Variants in PDE8B observed in about 807,000 individuals in gnomAD.
The protein encoded by PDE8B is phosphodiesterase 8B.
A neutral mutation model predicts 101.3 loss-of-function variants in PDE8B; 26 were observed. That is an observed-to-expected ratio of 0.26 (90% confidence interval 0.19 to 0.36). The LOEUF (loss-of-function observed/expected upper bound fraction) is 0.36, where lower values mean the gene tolerates loss of function less well. Among genes scored for constraint, PDE8B ranks in the 10% least tolerant of loss-of-function variants. The pLI is 1.00. For missense variants in PDE8B, 810 were observed against 1,163.1 expected, an observed-to-expected ratio of 0.70 and a Z score of 4.42; for synonymous variants, 424 against 429.3, an observed-to-expected ratio of 0.99 and a Z score of 0.15.
intron 1 of PDE8B, among the ~76,000 whole-genome samples, chr5:77,213,424 C>T (rs1748926022): frequency 6.6e-6 from 1 of 152,126 alleles, no homozygotes; most frequent in African/African-American, 2.4e-5. Context: ...CACAGAACTG[C>T]CCTAATATAT....
At chr5:77,258,451 A>G (rs1246304693) in intron 1 of PDE8B, among the ~76,000 whole-genome samples, 1 of 152,034 alleles carries the variant, frequency 6.6e-6, no homozygotes, top group Non-Finnish European at 1.5e-5. Context: ...CAAAAGCACT[A>G]AACATGTTTG....
Position 77,351,233 on chromosome 5 carries a change from A to G in PDE8B, c.1106+80A>G, listed in dbSNP as rs1781068977. The G allele has an allele frequency of 4.9e-6, 5 of 1,022,550 alleles. No individual in the cohort carries two copies. The Admixed American group carries it at 9.2e-5, about 19-fold the overall frequency. The allele number at this position is 1,022,550 out of a possible 1,614,324, so 63.3% of individuals were successfully genotyped here. On this transcript the variant is annotated intron_variant, in intron 9 of 21. Transcript: ENST00000264917. ...TGGGCATTGGGCTTGAAATGCCAGT[A>G]TGAGCCTTACATCCACAAATGCAGT...
At chr5:77,424,514 T>G (rs1434078570) in intron 20 of PDE8B, among the ~76,000 whole-genome samples, 1 of 152,184 alleles carries the variant, frequency 6.6e-6, no homozygotes, top group East Asian at 1.9e-4. Flanking sequence ...TCCACACACC[T>G]CAAAAGCTGC....
chr5:77,091,469 A>G, the PDE8B span, among the ~76,000 whole-genome samples: 2 of 152,104 alleles, frequency 1.3e-5, no homozygotes, highest in South Asian at 2.1e-4. Context: ...GTGAAACCCC[A>G]TCTCTACTAG....
rs186660482 is a variant in PDE8B, at chr5:77,285,739, T to G, written c.340-26255T>G. Among the ~76,000 whole-genome samples the G allele has an allele frequency of 2.7e-5, 4 of 149,864 alleles. No homozygotes were observed. The Admixed American group carries it at 2.7e-4, about 10-fold the overall frequency. ...ACTTCAATTACTAATGTTAGGCATT[T>G]TGATACTGCCCACAGATCCCTAGGT... On this transcript the variant is annotated intron_variant, in intron 1 of 21. Coordinates refer to ENST00000264917, the MANE Select transcript of PDE8B (RefSeq NM_003719.5).
intron 10 of PDE8B, among the ~76,000 whole-genome samples, chr5:77,384,448 A>G (rs989213406): frequency 2.6e-5 from 4 of 152,120 alleles, no homozygotes; most frequent in African/African-American, 7.2e-5. Context: ...CTCTTTTCCT[A>G]TTTGAATACC....
the PDE8B span, among the ~76,000 whole-genome samples, chr5:77,204,050 GTTTTT>G: frequency 1.8e-4 from 21 of 113,620 alleles, no homozygotes; most frequent in Non-Finnish European, 2.8e-4. Flanking sequence ...TGTACCCTTA[GTTTTT>G]TTTTTTTTTT....
intron 10 of PDE8B, among the ~76,000 whole-genome samples, chr5:77,374,519 G>T (rs1785686860): frequency 6.6e-6 from 1 of 151,558 alleles, no homozygotes; most frequent in Admixed American, 6.6e-5. Flanking sequence ...AAATCTCTTG[G>T]CATTTTTAAG....
At chr5:77,263,231 GTAAGAGAA>G (rs1402894027) in intron 1 of PDE8B, among the ~76,000 whole-genome samples, 4 of 152,176 alleles carry the variant, frequency 2.6e-5, no homozygotes, top group Non-Finnish European at 5.9e-5. Flanking sequence ...ATACATTTTT[GTAAGAGAA>G]TAGGAAATGT....
chr5:77,315,303 A>G (rs955556225), intron 2 of PDE8B, among the ~76,000 whole-genome samples: 4 of 152,148 alleles, frequency 2.6e-5, no homozygotes, highest in African/African-American at 9.7e-5. Flanking sequence ...TAGATCTGTA[A>G]TCTACCTCAA....
At chr5:77,173,059 A>G in the PDE8B span, among the ~76,000 whole-genome samples, 1 of 152,226 alleles carries the variant, frequency 6.6e-6, no homozygotes, top group African/African-American at 2.4e-5. Context: ...TGGTACCATC[A>G]GCCAATCAGT....
intron 1 of PDE8B, among the ~76,000 whole-genome samples, chr5:77,260,582 ATTTTTTTTTT>A (rs34008487): frequency 8.7e-6 from 1 of 114,944 alleles, no homozygotes. Flanking sequence ...ACTGTGGCTC[ATTTTTTTTTT>A]TTTTTTTTTT....
the PDE8B span, among the ~76,000 whole-genome samples, chr5:77,123,741 G>A: frequency 2.6e-5 from 4 of 152,146 alleles, no homozygotes; most frequent in Middle Eastern, 3.4e-3. Flanking sequence ...CCTGGGCAAC[G>A]GTGAGACTCT....
chr5:77,390,657 C>T (rs1208178615), intron 10 of PDE8B, among the ~76,000 whole-genome samples: 2 of 152,206 alleles, frequency 1.3e-5, no homozygotes, highest in African/African-American at 4.8e-5. Context: ...ATAAGAGATA[C>T]TCACACGTCC....
the PDE8B span, among the ~76,000 whole-genome samples, chr5:77,184,528 C>G: frequency 1.3e-5 from 2 of 152,058 alleles, no homozygotes; most frequent in Non-Finnish European, 2.9e-5. Flanking sequence ...CATTTTTTGC[C>G]TACAAAAACA....
chr5:77,207,607 C>T (rs11739698), upstream of PDE8B, among the ~76,000 whole-genome samples: 37,424 of 152,058 alleles, frequency 0.25, 5,861 homozygotes, highest in South Asian at 0.35. Context: ...AGTGTCTGAG[C>T]TTGTAGTCTT....
chr5:77,134,260 A>G, the PDE8B span: 6 of 152,256 alleles, frequency 3.9e-5, no homozygotes, highest in Non-Finnish European at 7.3e-5. Context: ...GATGCACTGT[A>G]TACATTAAAC....
At chr5:77,281,229 G>A (rs947089131) in intron 1 of PDE8B, among the ~76,000 whole-genome samples, 5 of 152,210 alleles carry the variant, frequency 3.3e-5, no homozygotes, top group Non-Finnish European at 7.3e-5. Flanking sequence ...TTTAGTGGCT[G>A]TGGTACTGAG....
At chr5:77,279,135 A>T (rs1764445045) in intron 1 of PDE8B, among the ~76,000 whole-genome samples, 1 of 152,250 alleles carries the variant, frequency 6.6e-6, no homozygotes, top group Non-Finnish European at 1.5e-5. Context: ...GTGTGTATAG[A>T]TAATAAAACT....
Sources: allele counts gnomAD v4.1 joint callset (sites outside exome capture counted in the v4.1 genomes callset), GRCh38; gene constraint gnomAD v4.1.1; transcripts MANE v1.5; gene names NCBI Gene and HGNC (gene_info 2026-07-23, HGNC 2026-07-21).